Variants in MICALL1 observed in about 807,000 individuals in gnomAD.
MICALL1 encodes MICAL like 1.
MICALL1 carries 61 observed loss-of-function variants against 83.7 expected under a neutral mutation model. The ratio of observed to expected loss-of-function variants is 0.73; its 90% CI spans 0.59 to 0.90. The LOEUF (loss-of-function observed/expected upper bound fraction) is 0.90, where lower values mean the gene tolerates loss of function less well. Ranked by LOEUF, MICALL1 falls within the 40% of genes least tolerant of loss-of-function variation. The probability of loss-of-function intolerance (pLI) is 0.00; values close to 1 mark genes in which losing one functional copy is unlikely to be tolerated. For missense variants in MICALL1, 1,066 were observed against 1,152.0 expected (o/e 0.93, Z 1.08); for synonymous variants, 481 against 473.6 (o/e 1.02, Z -0.20).
In MICALL1 at chr22:37,931,858, A is replaced by C; in HGVS notation, c.1941A>C (p.Thr647=). ...RKPSPAASPA[T]KKATKGSKPV... is the part of the protein sequence containing the mutation. ...CATCACCTGCAGCGTCCCCAGCCAC[A>C]AAGAAGGCCACCAAGGGATCCAAGC... The change falls in exon 10 of 16, where the codon ACA becomes ACC. Residue 647 remains threonine, a synonymous_variant. Coordinates refer to ENST00000215957, the MANE Select transcript of MICALL1 (RefSeq NM_033386.4). 1 of 1,614,146 alleles carries C rather than the reference A, an allele frequency of 6.2e-7. No homozygotes were observed. The highest frequency in any genetic ancestry group is 1.1e-5 in the South Asian group (1 of 91,082).
intron 15 of MICALL1, among the ~76,000 whole-genome samples, chr22:37,939,638 G>A (rs771434165): frequency 2.0e-5 from 3 of 152,128 alleles, no homozygotes; most frequent in African/African-American, 4.8e-5. Context: ...GCCGCGCATG[G>A]CAGCGCTTGC....
intron 9 of MICALL1, 78 bp downstream of exon 9, chr22:37,927,904 A>G (rs776020996): frequency 2.6e-5 from 38 of 1,447,190 alleles, no homozygotes; most frequent in Middle Eastern, 2.2e-4. Context: ...AGAAATGTCC[A>G]GGGCCTTTTC....
intron 3 of MICALL1, among the ~76,000 whole-genome samples, chr22:37,913,260 C>T (rs1256591219): frequency 6.6e-6 from 1 of 152,142 alleles, no homozygotes; most frequent in South Asian, 2.1e-4. Context: ...CACTGGTGCC[C>T]GGCCTGACAT....
At chr22:37,908,988 C>T (rs12157319) in intron 1 of MICALL1, among the ~76,000 whole-genome samples, 8,101 of 152,184 alleles carry the variant, frequency 0.053, 704 homozygotes, top group African/African-American at 0.18. Context: ...GGACAGATGG[C>T]TGACAGCTGC....
At position 37,921,962 on chromosome 22, in the gene MICALL1, C is replaced by A. The variant is rs763571165; in HGVS notation, c.570-10C>A. ...CTGGCTAAGTGAACCCCTGTCCTGT[C>A]CCCTGCCAGGTGTCGGCGGTGCTCC... is the stretch of plus-strand genomic sequence containing the variant. On this transcript the variant is annotated splice_polypyrimidine_tract_variant and intron_variant, in intron 5 of 15. Coordinates refer to ENST00000215957, the MANE Select transcript of MICALL1 (RefSeq NM_033386.4). 1.9e-6 allele frequency: 3 copies of A among 1,555,058 alleles called. No individual in the cohort carries two copies. Among genetic ancestry groups the A allele is most frequent in the South Asian group, 2.5e-5 (2 of 81,618 alleles).
Position 37,906,895 on chromosome 22 carries a change from G to T in MICALL1, c.146+327G>T. The T allele has an allele frequency of 6.6e-6, 1 of 151,116 alleles. No individual in the cohort carries two copies. The highest frequency in any genetic ancestry group is 1.5e-5 in the Non-Finnish European group (1 of 67,838). The allele number at this position is 151,116 out of a possible 1,614,324, so 9.4% of individuals were successfully genotyped here. On this transcript the variant is annotated intron_variant, in intron 1 of 15. Coordinates refer to ENST00000215957, the MANE Select transcript of MICALL1 (RefSeq NM_033386.4). This position sits in a 1 kb window ranked among gnomAD's most constrained non-coding sequence, Gnocchi z 4.4. Reference sequence around the variant, plus strand: ...CCCCTAAGCCCTTGACCTCTTTGAAGGGGTGTTGAGCCCTCTTTGGGGGCC... The same window carrying T: ...CCCCTAAGCCCTTGACCTCTTTGAATGGGTGTTGAGCCCTCTTTGGGGGCC...
intron 6 of MICALL1, 82 bp downstream of exon 6, chr22:37,922,508 G>A (rs911196476): frequency 4.5e-6 from 5 of 1,107,070 alleles, no homozygotes; most frequent in Non-Finnish European, 5.0e-6. Flanking sequence ...GGGAGTGTTG[G>A]TGGGCCCCTC....
At chr22:37,940,044 G>A (rs1344491220) in intron 15 of MICALL1, among the ~76,000 whole-genome samples, 3 of 151,984 alleles carry the variant, frequency 2.0e-5, no homozygotes, top group Admixed American at 6.6e-5. Context: ...AGCTGAGACC[G>A]CACCATTGCA....
At chr22:37,936,224 C>T (rs1308394645) in intron 13 of MICALL1, among the ~76,000 whole-genome samples, 3 of 152,120 alleles carry the variant, frequency 2.0e-5, no homozygotes, top group African/African-American at 7.2e-5. Flanking sequence ...AGCAGGTGTG[C>T]CCAGCTTCAG....
In MICALL1 at chr22:37,924,519, T is replaced by C; in HGVS notation, c.1025-141T>C. 1.4e-6 allele frequency: 1 copy of C among 716,402 alleles called. No individual in the cohort carries two copies. The allele number at this position is 716,402 out of a possible 1,614,324, so 44.4% of individuals were successfully genotyped here. On this transcript the variant is annotated intron_variant, in intron 6 of 15. Transcript: ENST00000215957. This position sits in a 1 kb window ranked among gnomAD's most constrained non-coding sequence, Gnocchi z 5.2. ...CAGGCACCTGGGTGCTTATCTAATC[T>C]CCATGGGCTGGCCTGGGGAGGTGCG...
intron 4 of MICALL1, 41 bp downstream of exon 4, chr22:37,917,836 G>T (rs768569496): frequency 2.6e-5 from 40 of 1,566,046 alleles, no homozygotes; most frequent in Non-Finnish European, 3.3e-5. Context: ...CAGGGGTGGA[G>T]GGGGCGAGTT....
Position 37,937,108 on chromosome 22 carries a change from C to G in MICALL1, c.2337C>G (p.Ala779=). 6.4e-7 allele frequency: 1 copy of G among 1,551,624 alleles called. No individual in the cohort carries two copies. The highest frequency in any genetic ancestry group is 1.4e-5 in the African/African-American group (1 of 73,124). ...AGGACTGGACGGAGGAGGACCGGGCCCGGGAGAAGGTGCTGATGCAGGAGC... is the reference window on the plus strand; with the variant it reads ...AGGACTGGACGGAGGAGGACCGGGCGCGGGAGAAGGTGCTGATGCAGGAGC... The part of the protein sequence containing the change: ...PEKDWTEEDR[A]REKVLMQELV... The change falls in exon 14 of 16, where the codon GCC becomes GCG. Residue 779 remains alanine (A), a synonymous_variant. Transcript: ENST00000215957.
At chr22:37,937,322 C>T in intron 14 of MICALL1, 128 bp downstream of exon 14, 1 of 735,720 alleles carries the variant, frequency 1.4e-6, no homozygotes. Context: ...GCCAGCCCTG[C>T]CCTCCTACCA....
chr22:37,933,020 A>T lies in MICALL1; in HGVS notation c.2235-19A>T. On this transcript the variant is annotated intron_variant, in intron 12 of 15. Transcript: ENST00000215957. Reference sequence around the variant, plus strand: ...GGCTCGGGCAGAATTGTTAAGAGTCACCTTATTCCCACCCCTAGCTTCAAG... The same window carrying T: ...GGCTCGGGCAGAATTGTTAAGAGTCTCCTTATTCCCACCCCTAGCTTCAAG... The T allele has an allele frequency of 6.2e-7, 1 of 1,613,950 alleles. No homozygotes were observed. Among genetic ancestry groups the T allele is most frequent in the Non-Finnish European group, 8.5e-7 (1 of 1,179,970 alleles).
At chr22:37,934,601 A>T (rs1016877024) in intron 13 of MICALL1, among the ~76,000 whole-genome samples, 13 of 148,876 alleles carry the variant, frequency 8.7e-5, no homozygotes, top group African/African-American at 3.2e-4. Flanking sequence ...ATTTATTATT[A>T]TTATTTTTTT....
intron 8 of MICALL1, 51 bp from the exon 9 acceptor site, chr22:37,927,360 A>G (rs572394580): frequency 1.3e-6 from 2 of 1,484,584 alleles, no homozygotes; most frequent in African/African-American, 2.8e-5. Context: ...GTGGGGCTGG[A>G]AGCCCTTGTG....
Position 37,924,617 on chromosome 22 carries a change from C to T in MICALL1, c.1025-43C>T. 6.3e-7 allele frequency: 1 copy of T among 1,593,128 alleles called. No homozygotes were observed. The highest frequency in any genetic ancestry group is 1.3e-5 in the African/African-American group (1 of 74,500). The stretch of plus-strand genomic sequence containing the variant: ...GGCTGGCTCCCTGGGTGCCCACCTC[C>T]TGCTGCCCATGAAGGCCTGGCTCAC... On this transcript the variant is annotated intron_variant, in intron 6 of 15. Transcript: ENST00000215957. This position sits in a 1 kb window ranked among gnomAD's most constrained non-coding sequence, Gnocchi z 5.2.
At chr22:37,934,835 A>G (rs551724897) in intron 13 of MICALL1, among the ~76,000 whole-genome samples, 6 of 150,694 alleles carry the variant, frequency 4.0e-5, no homozygotes, top group Non-Finnish European at 8.9e-5. Context: ...TGACCTTGTG[A>G]TCCACCCACC....
At chr22:37,937,901 C>A in intron 15 of MICALL1, 109 bp downstream of exon 15, 1 of 1,385,862 alleles carries the variant, frequency 7.2e-7, no homozygotes, top group Non-Finnish European at 1.0e-6. Flanking sequence ...ACCAGGATGG[C>A]TGTGCACAAA....
Sources: allele counts gnomAD v4.1 joint callset (sites outside exome capture counted in the v4.1 genomes callset), GRCh38; gene constraint gnomAD v4.1.1; non-coding constraint Gnocchi (gnomAD v3.1); transcripts MANE v1.5; gene names NCBI Gene and HGNC (gene_info 2026-07-23, HGNC 2026-07-21).